Variants in CDH13 observed in about 807,000 individuals in gnomAD.
CDH13 encodes the protein cadherin 13.
CDH13 carries 24 observed loss-of-function variants against 63.8 expected under a neutral mutation model. The ratio of observed to expected loss-of-function variants is 0.38; its 90% CI spans 0.27 to 0.53. The LOEUF (loss-of-function observed/expected upper bound fraction) is 0.53. Ranked by LOEUF, CDH13 falls within the 20% of genes least tolerant of loss-of-function variation. The pLI is 0.85. For synonymous variants in CDH13, 503 were observed against 355.3 expected (o/e 1.42, Z -4.67); for missense variants, 1,049 against 903.1 (o/e 1.16, Z -2.07).
rs200439811 is a variant in CDH13 at position 83,032,138 on chromosome 16, G to C, written c.286G>C (p.Val96Leu). 4.3e-6 allele frequency: 7 copies of C among 1,613,480 alleles called. No homozygotes were observed. Among genetic ancestry groups the C allele is most frequent in the Non-Finnish European group, 5.1e-6 (6 of 1,179,766 alleles). ...AACTGCAGTGGGCAAAACTCTGTTC[G>C]TCCATGCACGGACCCCCCATGCGGA... Reference protein sequence around the residue: ...NITAVGKTLFVHARTPHAEDM... With the variant: ...NITAVGKTLFLHARTPHAEDM... The change falls in exon 3 of 14, where the codon GTC becomes CTC. Residue 96 changes from valine (V) to leucine (L), a missense_variant. By Grantham distance (32) the Val-to-Leu change is conservative. Coordinates refer to ENST00000567109, the MANE Select transcript of CDH13 (RefSeq NM_001257.5).
intron 2 of CDH13, among the ~76,000 whole-genome samples, chr16:82,883,827 G>C (rs1160780144): frequency 6.6e-6 from 1 of 152,176 alleles, no homozygotes; most frequent in Non-Finnish European, 1.5e-5. Context: ...CTCTGTGCCT[G>C]GGACAGCTTT....
At chr16:83,467,159 C>T (rs990721253) in intron 6 of CDH13, among the ~76,000 whole-genome samples, 3 of 152,146 alleles carry the variant, frequency 2.0e-5, no homozygotes, top group Non-Finnish European at 2.9e-5. Flanking sequence ...TACCAAGCCC[C>T]GGCTCTCAGT....
At chr16:83,454,773 C>G (rs2072977737) in intron 6 of CDH13, among the ~76,000 whole-genome samples, 1 of 151,850 alleles carries the variant, frequency 6.6e-6, no homozygotes, top group Non-Finnish European at 1.5e-5. Context: ...GTGGCATGAT[C>G]TCAGCTCACT....
At chr16:83,675,736 G>A (rs1441391732) in intron 9 of CDH13, among the ~76,000 whole-genome samples, 1 of 152,006 alleles carries the variant, frequency 6.6e-6, no homozygotes, top group African/African-American at 2.4e-5. Context: ...GATGCATCAG[G>A]GCCAGGACTT....
At chr16:83,276,130 CA>C (rs1385206237) in intron 5 of CDH13, among the ~76,000 whole-genome samples, 1 of 152,164 alleles carries the variant, frequency 6.6e-6, no homozygotes, top group African/African-American at 2.4e-5. Flanking sequence ...AAACTCGCCC[CA>C]CACTCTCAGG....
chr16:83,272,390 G>A (rs557056033), intron 5 of CDH13, among the ~76,000 whole-genome samples: 6 of 152,332 alleles, frequency 3.9e-5, no homozygotes, highest in East Asian at 1.9e-4. Flanking sequence ...GGAGGACAGC[G>A]TTCCAGGCAG....
At chr16:83,271,422 T>TCAAAAAAAAAA (rs1555522986) in intron 5 of CDH13, among the ~76,000 whole-genome samples, 1 of 26,004 alleles carries the variant, frequency 3.8e-5, no homozygotes, top group African/African-American at 1.3e-4. Flanking sequence ...GCAGAGTTCA[T>TCAAAAAAAAAA]AAAAAAAAAA....
chr16:83,202,948 A>C (rs1295500543), intron 4 of CDH13, among the ~76,000 whole-genome samples: 1 of 152,182 alleles, frequency 6.6e-6, no homozygotes, highest in Non-Finnish European at 1.5e-5. Flanking sequence ...TTTTGGGGCC[A>C]GGTACAGTGG....
chr16:83,308,121 C>A (rs1002892896), intron 5 of CDH13, among the ~76,000 whole-genome samples: 5 of 152,010 alleles, frequency 3.3e-5, no homozygotes, highest in African/African-American at 9.7e-5. Context: ...GATAAATATA[C>A]CTTAACACAT....
At chr16:83,491,582 T>C (rs905313165) in intron 7 of CDH13, among the ~76,000 whole-genome samples, 2 of 147,358 alleles carry the variant, frequency 1.4e-5, no homozygotes, top group African/African-American at 2.5e-5. Flanking sequence ...TTTTTTTTTT[T>C]CTTTTTTAAT....
At chr16:82,774,243 G>A (rs1331302197) in intron 1 of CDH13, among the ~76,000 whole-genome samples, 1 of 151,928 alleles carries the variant, frequency 6.6e-6, no homozygotes, top group African/African-American at 2.4e-5. Context: ...AAAAAAATAA[G>A]AAAGAATATA....
Position 82,917,914 on chromosome 16 carries a change from C to CAAAAAAAA in CDH13, c.157+59452_157+59459dup, listed in dbSNP as rs34766700. Among the ~76,000 whole-genome samples, 298 of 45,916 alleles carry CAAAAAAAA rather than the reference C, an allele frequency of 6.5e-3. 12 individuals carry two copies. The highest frequency in any genetic ancestry group is 0.02 in the African/African-American group (286 of 14,596). The allele number at this position is 45,916 out of a possible 152,430, so 30.1% of individuals were successfully genotyped here. On this transcript the variant is annotated intron_variant, in intron 2 of 13. Coordinates refer to ENST00000567109, the MANE Select transcript of CDH13 (RefSeq NM_001257.5). Reference sequence around the variant, plus strand: ...TGGGCAACAGAGAGAGACTCCATGTCAAAAAAAAAAAAAAAAAAGGCATGT... The same window carrying CAAAAAAAA: ...TGGGCAACAGAGAGAGACTCCATGTCAAAAAAAAAAAAAAAAAAAAAAAAAAGGCATGT...
intron 1 of CDH13, among the ~76,000 whole-genome samples, chr16:82,686,947 G>T (rs1915135343): frequency 6.6e-6 from 1 of 152,184 alleles, no homozygotes; most frequent in South Asian, 2.1e-4. Flanking sequence ...CAAAATGCTA[G>T]AAATGAGAGC....
intron 1 of CDH13, chr16:82,639,521 C>G (rs530243818): frequency 1.7e-6 from 2 of 1,173,336 alleles, no homozygotes; most frequent in Non-Finnish European, 2.4e-6. Context: ...CCTAGGGATG[C>G]TAAGAAACCC....
At chr16:82,925,279 A>G (rs1431657524) in intron 2 of CDH13, among the ~76,000 whole-genome samples, 1 of 152,138 alleles carries the variant, frequency 6.6e-6, no homozygotes, top group African/African-American at 2.4e-5. Context: ...CCCTCAGAGC[A>G]CCCCTAGCTG....
At chr16:83,087,138 T>C (rs1363261738) in intron 3 of CDH13, among the ~76,000 whole-genome samples, 2 of 152,132 alleles carry the variant, frequency 1.3e-5, no homozygotes, top group Non-Finnish European at 2.9e-5. Flanking sequence ...CACAGCACAA[T>C]TAATCCTGAT....
chr16:82,762,460 AATGT>A (rs146178209), intron 1 of CDH13, among the ~76,000 whole-genome samples: 1 of 152,322 alleles, frequency 6.6e-6, no homozygotes, highest in African/African-American at 2.4e-5. Context: ...ATTAATAGAA[AATGT>A]ATGTGAGAGG....
chr16:82,685,376 G>A (rs990095806), intron 1 of CDH13, among the ~76,000 whole-genome samples: 1 of 152,112 alleles, frequency 6.6e-6, no homozygotes, highest in African/African-American at 2.4e-5. Context: ...TTTTATAAGG[G>A]TACTAATCCC....
At chr16:83,068,171 A>C (rs1009526925) in intron 3 of CDH13, among the ~76,000 whole-genome samples, 1 of 152,220 alleles carries the variant, frequency 6.6e-6, no homozygotes, top group Non-Finnish European at 1.5e-5. Flanking sequence ...GCAGATGCCA[A>C]CTTCCAATGA....
Sources: allele counts gnomAD v4.1 joint callset (sites outside exome capture counted in the v4.1 genomes callset), GRCh38; gene constraint gnomAD v4.1.1; transcripts MANE v1.5; gene names NCBI Gene and HGNC (gene_info 2026-07-23, HGNC 2026-07-21).